Variants in ANK2 observed in about 807,000 individuals in gnomAD.
ANK2 encodes the protein ankyrin-2.
A neutral mutation model predicts 360.5 loss-of-function variants in ANK2; 83 were observed. The ratio of observed to expected loss-of-function variants is 0.23; its 90% confidence interval spans 0.19 to 0.28. The LOEUF (loss-of-function observed/expected upper bound fraction) is 0.28, where lower values mean the gene tolerates loss of function less well. Among genes scored for constraint, ANK2 ranks in the 10% least tolerant of loss-of-function variants. ANK2 has a pLI of 1.00. For synonymous variants in ANK2, 1,740 were observed against 1,759.5 expected (o/e 0.99, Z 0.28); for missense variants, 4,201 against 4,795.7 (o/e 0.88, Z 3.66).
chr4:112,784,903 T>C, the ANK2 span, among the ~76,000 whole-genome samples: 324 of 152,334 alleles, frequency 2.1e-3, 1 homozygote, highest in African/African-American at 7.3e-3. Context: ...TATTTCCTCT[T>C]AAGAGCGATT....
At chr4:113,241,028 A>G (rs1161241513) in intron 8 of ANK2, among the ~76,000 whole-genome samples, 1 of 152,224 alleles carries the variant, frequency 6.6e-6, no homozygotes, top group African/African-American at 2.4e-5. Context: ...ACTAAAATAC[A>G]TAAAAGGTGT....
chr4:112,791,476 CTTCTTTTTTTT>C, the ANK2 span, among the ~76,000 whole-genome samples: 1 of 98,276 alleles, frequency 1.0e-5, no homozygotes, highest in Non-Finnish European at 1.9e-5. Flanking sequence ...TCTTCTTCTT[CTTCTTTTTTTT>C]TTTTTTTTTT....
chr4:112,793,958 A>G, the ANK2 span, among the ~76,000 whole-genome samples: 1 of 152,086 alleles, frequency 6.6e-6, no homozygotes, highest in Non-Finnish European at 1.5e-5. Context: ...CGGCCTCCCA[A>G]AGTGCTGGGA....
chr4:113,309,370 T>C (rs1371484849), intron 23 of ANK2, among the ~76,000 whole-genome samples: 1 of 152,186 alleles, frequency 6.6e-6, no homozygotes, highest in African/African-American at 2.4e-5. Flanking sequence ...AAAAATTCAC[T>C]TTAAGTAGCA....
chr4:113,109,252 G>GCCTT (rs2094008709), intron 1 of ANK2, among the ~76,000 whole-genome samples: 1 of 152,096 alleles, frequency 6.6e-6, no homozygotes, highest in Non-Finnish European at 1.5e-5. Context: ...GTTTCACAGT[G>GCCTT]CCTTGTTCAC....
At chr4:112,750,387 T>A in the ANK2 span, among the ~76,000 whole-genome samples, 1 of 152,200 alleles carries the variant, frequency 6.6e-6, no homozygotes, top group Non-Finnish European at 1.5e-5. Flanking sequence ...ATTGTAATAT[T>A]GTATTTTTAC....
At chr4:112,827,605 G>A in intron 1 of ANK2, 2 of 910,326 alleles carry the variant, frequency 2.2e-6, no homozygotes, top group South Asian at 2.8e-5. Context: ...CCTTCTGAAG[G>A]GACCACTCTA....
intron 2 of ANK2, among the ~76,000 whole-genome samples, chr4:113,176,106 A>T: frequency 6.6e-6 from 1 of 152,150 alleles, no homozygotes; most frequent in South Asian, 2.1e-4. Context: ...GTTCTTCTTT[A>T]ACACAACCCA....
At chr4:112,864,906 C>T in intron 1 of ANK2, among the ~76,000 whole-genome samples, 1 of 151,344 alleles carries the variant, frequency 6.6e-6, no homozygotes, top group East Asian at 2.0e-4. Context: ...GTGGTGGGCG[C>T]CTGTAGCTCC....
the ANK2 span, among the ~76,000 whole-genome samples, chr4:112,756,628 A>G: frequency 6.6e-6 from 1 of 152,188 alleles, no homozygotes; most frequent in Non-Finnish European, 1.5e-5. Context: ...GAACTATGAA[A>G]GCTTTATGAT....
chr4:113,371,332 T>A (rs1353623820), intron 43 of ANK2, among the ~76,000 whole-genome samples: 2 of 152,222 alleles, frequency 1.3e-5, no homozygotes, highest in Non-Finnish European at 2.9e-5. Flanking sequence ...ATGCCATGAA[T>A]GAATTTTTAT....
chr4:112,786,225 C>G, the ANK2 span, among the ~76,000 whole-genome samples: 2 of 143,892 alleles, frequency 1.4e-5, no homozygotes, highest in Non-Finnish European at 3.0e-5. Flanking sequence ...TTCCTGCTGA[C>G]AGGTTTGATG....
At chr4:113,053,996 G>A (rs1346480893) in intron 1 of ANK2, among the ~76,000 whole-genome samples, 1 of 152,158 alleles carries the variant, frequency 6.6e-6, no homozygotes, top group Non-Finnish European at 1.5e-5. Context: ...TAACATAGCA[G>A]TGGATTTATA....
At chr4:113,305,079 G>A (rs184057887) in intron 23 of ANK2, among the ~76,000 whole-genome samples, 4,530 of 151,924 alleles carry the variant, frequency 0.03, 119 homozygotes, top group Non-Finnish European at 0.045. Flanking sequence ...GGTGGCTCAC[G>A]CCTGTAATCC....
intron 17 of ANK2, 108 bp from the exon 18 acceptor site, chr4:113,282,567 C>CTA: frequency 9.0e-7 from 1 of 1,109,130 alleles, no homozygotes; most frequent in Non-Finnish European, 1.3e-6. Context: ...TGTAAACTCA[C>CTA]TTTTAACTCT....
chr4:112,878,413 G>A (rs1410790316), intron 1 of ANK2, among the ~76,000 whole-genome samples: 1 of 152,164 alleles, frequency 6.6e-6, no homozygotes, highest in East Asian at 1.9e-4. Flanking sequence ...TGCCACCTCC[G>A]CCTCCCAGGT....
the ANK2 span, among the ~76,000 whole-genome samples, chr4:112,729,205 C>G: frequency 6.6e-6 from 1 of 151,124 alleles, no homozygotes; most frequent in Non-Finnish European, 1.5e-5. Context: ...TCAAAACAAA[C>G]AAACAAACAA....
Position 113,353,539 on chromosome 4 carries a change from A to G in ANK2, c.4921A>G (p.Thr1641Ala). The stretch of plus-strand genomic sequence containing the variant: ...CTCAACTGGGCTAGTGAACTACCTT[A>G]CTGATGATCTGAATACCTGTGTGCC... ...KDSTGLVNYL[T>A]DDLNTCVPLP... Residue 1641 changes from threonine (T) to alanine (A), a missense_variant, in exon 38 of 46, where the codon ACT (threonine) becomes GCT (alanine). Thr to Ala is a moderately conservative substitution (Grantham distance 58, BLOSUM62 0). Coordinates refer to ENST00000357077, the MANE Select transcript of ANK2 (RefSeq NM_001148.6). The G allele has an allele frequency of 6.2e-7, 1 of 1,614,114 alleles. No individual in the cohort carries two copies. The highest frequency in any genetic ancestry group is 8.5e-7 in the Non-Finnish European group (1 of 1,179,966).
chr4:112,863,156 G>C (rs2068717611), intron 1 of ANK2, among the ~76,000 whole-genome samples: 1 of 151,970 alleles, frequency 6.6e-6, no homozygotes, highest in South Asian at 2.1e-4. Flanking sequence ...TGATTTCTAA[G>C]ATATTTTAAT....
Sources: gnomAD v4.1 joint callset for allele counts (sites outside exome capture counted in the v4.1 genomes callset) on GRCh38, gnomAD v4.1.1 for gene constraint, MANE v1.5 for transcripts, NCBI Gene and HGNC (gene_info 2026-07-23, HGNC 2026-07-21) for gene names.